Variants in MEIOSIN observed in about 807,000 individuals in gnomAD.
The protein encoded by MEIOSIN is meiosis initiator, also known as meiosis initiator protein.
In MEIOSIN, 18 loss-of-function variants were observed where a neutral mutation model predicts 23.4. The observed-to-expected ratio is 0.77, with a 90% CI of 0.53 to 1.14. MEIOSIN has a LOEUF of 1.14. MEIOSIN is among the 50% of genes most tolerant of loss of function. The pLI is 0.00. For missense variants in MEIOSIN, 428 were observed against 242.9 expected, an observed-to-expected ratio of 1.76 and a Z score of -5.07; for synonymous variants, 187 against 100.6, an observed-to-expected ratio of 1.86 and a Z score of -5.14.
Position 45,761,815 on chromosome 19 carries a change from C to CCAGCTG in MEIOSIN, c.1387_1388insGCAGCT (p.Ser462_Ser463insCysSer), listed in dbSNP as rs758767044. On this transcript the variant is annotated inframe_insertion, in exon 12 of 15. Transcript: ENST00000457052. ...TCCAGCTCCAGCTCCAGCTCCAGCT[C>CCAGCTG]CAGCTCCAGCTCGGAGGACAGCGAC... is the stretch of plus-strand genomic sequence containing the variant. 2.4e-4 allele frequency: 170 copies of CCAGCTG among 702,108 alleles called. No individual in the cohort carries two copies. In the East Asian group the frequency reaches 4.3e-3, roughly 18 times the overall value. 43.5% of individuals were successfully genotyped at this position (702,108 alleles called of 1,614,324 possible).
chr19:45,751,001 A>G (rs907633384), intron 5 of MEIOSIN, among the ~76,000 whole-genome samples: 1 of 152,136 alleles, frequency 6.6e-6, no homozygotes, highest in Admixed American at 6.6e-5. Flanking sequence ...GGCCGGGCAC[A>G]GTGGCTGATG....
chr19:45,734,596 T>G (rs1284981444), intron 1 of MEIOSIN, among the ~76,000 whole-genome samples: 1 of 151,670 alleles, frequency 6.6e-6, no homozygotes, highest in Non-Finnish European at 1.5e-5. Context: ...CTTGACCTCC[T>G]GGGCTCAAAC....
intron 13 of MEIOSIN, among the ~76,000 whole-genome samples, chr19:45,763,040 G>C (rs1482602450): frequency 2.6e-5 from 4 of 152,084 alleles, no homozygotes; most frequent in Admixed American, 2.6e-4. Context: ...ACCAGTCACT[G>C]CCAGGCCTGG....
intron 1 of MEIOSIN, 43 bp from the exon 2 acceptor site, chr19:45,735,334 G>T (rs1968391524): frequency 1.4e-6 from 1 of 700,648 alleles, no homozygotes; most frequent in Non-Finnish European, 2.6e-6. Context: ...CATCCTTCCT[G>T]CAATCCCAGA....
intron 4 of MEIOSIN, among the ~76,000 whole-genome samples, chr19:45,750,428 T>G (rs1319259081): frequency 2.7e-5 from 4 of 149,908 alleles, no homozygotes; most frequent in Non-Finnish European, 4.4e-5. Context: ...GGCGTGATCT[T>G]GGCTCACTGC....
In MEIOSIN at chr19:45,742,551, G is replaced by A. The variant is rs151046735; in HGVS notation, c.177-2641G>A. On this transcript the variant is annotated intron_variant, in intron 3 of 14. Coordinates refer to ENST00000457052, the MANE Select transcript of MEIOSIN (RefSeq NM_001310124.2). The stretch of plus-strand genomic sequence containing the variant: ...TCCTAGCACTTTGGGAGGCCAAGGC[G>A]GACAGATCATGAGGTCAGGAGATTG... Among the ~76,000 whole-genome samples, 442 of 151,952 alleles carry A rather than the reference G, an allele frequency of 2.9e-3. 1 individual carries two copies. Among genetic ancestry groups the A allele is most frequent in the African/African-American group, 9.9e-3 (410 of 41,440 alleles).
chr19:45,744,129 C>T (rs1211986615), intron 3 of MEIOSIN, among the ~76,000 whole-genome samples: 1 of 151,756 alleles, frequency 6.6e-6, no homozygotes, highest in East Asian at 1.9e-4. Flanking sequence ...CAGGTTCAAG[C>T]AATTCTCGTG....
In MEIOSIN at chr19:45,762,055, G is replaced by T; in HGVS notation, c.1551G>T (p.Lys517Asn). ...PLLAAEKKAT[K>N]GQVARAPVKP... ...TGGCAGCTGAGAAAAAGGCCACGAA[G>T]GGCCAAGTAGCCAGGGCCCCTGTGA... The change falls in exon 13 of 15, where the codon AAG becomes AAT. Residue 517 changes from lysine (K) to asparagine (N), a missense_variant. Physicochemically the swap from Lys to Asn is moderately conservative, Grantham distance 94. Transcript: ENST00000457052. 1 of 481,598 alleles carries T rather than the reference G, an allele frequency of 2.1e-6. No individual in the cohort carries two copies. The highest frequency in any genetic ancestry group is 3.7e-6 in the Non-Finnish European group (1 of 272,632). The allele number at this position is 481,598 out of a possible 1,614,324, so 29.8% of individuals were successfully genotyped here.
In MEIOSIN at chr19:45,733,880, T is replaced by G. The variant is rs530537961; in HGVS notation, c.-1+214T>G. On this transcript the variant is annotated intron_variant, in intron 1 of 14. Transcript: ENST00000457052. This position sits in a 1 kb window ranked among gnomAD's most constrained non-coding sequence, Gnocchi z 5.7. Reference sequence around the variant, plus strand: ...AGTTTGAGGAACGGAAGACTCTGTTTGTGTTGGGAATCCGGGCTCTCGAGT... The same window carrying G: ...AGTTTGAGGAACGGAAGACTCTGTTGGTGTTGGGAATCCGGGCTCTCGAGT... 2.0e-5 allele frequency among the ~76,000 whole-genome samples: 3 copies of G among 151,904 alleles called. No homozygotes were observed. The highest frequency in any genetic ancestry group is 2.9e-5 in the Non-Finnish European group (2 of 67,996).
intron 5 of MEIOSIN, among the ~76,000 whole-genome samples, chr19:45,751,080 C>T (rs1462835687): frequency 1.3e-5 from 2 of 151,940 alleles, no homozygotes; most frequent in Non-Finnish European, 2.9e-5. Context: ...CGAGACCAGC[C>T]TGGCCAACAT....
chr19:45,747,723 A>C (rs78133855), intron 4 of MEIOSIN, among the ~76,000 whole-genome samples: 4,963 of 152,252 alleles, frequency 0.033, 290 homozygotes, highest in African/African-American at 0.11. Context: ...TGGTCTGAGG[A>C]AACTGAAGTG....
Position 45,759,492 on chromosome 19 carries a change from T to C in MEIOSIN, c.1245+2T>C. The C allele has an allele frequency of 1.4e-6, 1 of 703,304 alleles. No homozygotes were observed. Among genetic ancestry groups the C allele is most frequent in the Non-Finnish European group, 2.6e-6 (1 of 385,022 alleles). 43.6% of individuals were successfully genotyped at this position (703,304 alleles called of 1,614,324 possible). Reference sequence around the variant, plus strand: ...ACGCAGGAGGCTCCACAGGAAAAGGTAGACATCCTCTGCCCCTCTGTCCAC... The same window carrying C: ...ACGCAGGAGGCTCCACAGGAAAAGGCAGACATCCTCTGCCCCTCTGTCCAC... On this transcript the variant is annotated splice_donor_variant, in intron 11 of 14. Transcript: ENST00000457052. LOFTEE classifies it high-confidence loss of function.
chr19:45,750,025 G>T (rs1968669264), intron 4 of MEIOSIN, among the ~76,000 whole-genome samples: 1 of 148,370 alleles, frequency 6.7e-6, no homozygotes, highest in Non-Finnish European at 1.5e-5. Context: ...AAAAGAAAAA[G>T]AAAAAGAAAG....
chr19:45,745,382 G>A (rs1968575507), intron 4 of MEIOSIN, 61 bp downstream of exon 4: 4 of 677,660 alleles, frequency 5.9e-6, no homozygotes, highest in South Asian at 4.7e-5. Context: ...AGCAGCAAAT[G>A]GGTCACCCTC....
At chr19:45,760,884 A>G (rs1026291282) in intron 11 of MEIOSIN, among the ~76,000 whole-genome samples, 1 of 150,604 alleles carries the variant, frequency 6.6e-6, no homozygotes, top group African/African-American at 2.4e-5. Flanking sequence ...AGATGGTGCC[A>G]TTGCACTCCA....
At position 45,756,042 on chromosome 19, in the gene MEIOSIN, G is replaced by A. The variant is rs1455173349; in HGVS notation, c.875G>A (p.Arg292Lys). The A allele has an allele frequency of 1.4e-6, 1 of 702,894 alleles. No individual in the cohort carries two copies. 43.5% of individuals were successfully genotyped at this position (702,894 alleles called of 1,614,324 possible). A position where few individuals can be genotyped will look rare whatever the true frequency, so the allele number is the denominator to read the frequency against. Residue 292 changes from arginine (R) to lysine (K), a missense_variant, in exon 8 of 15, where the codon AGG becomes AAG. Physicochemically the swap from Arg to Lys is conservative, Grantham distance 26 (BLOSUM62 2). Coordinates refer to ENST00000457052, the MANE Select transcript of MEIOSIN (RefSeq NM_001310124.2). ...CTCCTGGCTCAGGAAGATGTGGCGA[G>A]GATCCATTTTCTCAACAAGACCCAG... ...PALLAQEDVA[R>K]IHFLNKTQPH... is the part of the protein sequence containing the mutation.
At chr19:45,763,151 C>T (rs973618508) in intron 13 of MEIOSIN, among the ~76,000 whole-genome samples, 187 bp from the exon 14 acceptor site, 2 of 152,170 alleles carry the variant, frequency 1.3e-5, no homozygotes, top group African/African-American at 2.4e-5. Flanking sequence ...GCCCACAGGT[C>T]CCCTGCACTC....
In MEIOSIN at chr19:45,744,049, C is replaced by CT. The variant is rs373791690; in HGVS notation, c.177-1128dup. On this transcript the variant is annotated intron_variant, in intron 3 of 14. Coordinates refer to ENST00000457052, the MANE Select transcript of MEIOSIN (RefSeq NM_001310124.2). Reference sequence around the variant, plus strand: ...TCCTTTTACAAGCTTCTTATTTTTACTTTTTTTTTTTTTTTGAGACAGTCT... The same window carrying CT: ...TCCTTTTACAAGCTTCTTATTTTTACTTTTTTTTTTTTTTTTGAGACAGTCT... 5.2e-3 allele frequency among the ~76,000 whole-genome samples: 755 copies of CT among 144,206 alleles called. 1 individual carries two copies. The highest frequency in any genetic ancestry group is 7.1e-3 in the Admixed American group (102 of 14,378). The allele number at this position is 144,206 out of a possible 152,430, so 94.6% of individuals were successfully genotyped here.
chr19:45,758,532 G>A (rs911777287), intron 9 of MEIOSIN, among the ~76,000 whole-genome samples: 3 of 151,912 alleles, frequency 2.0e-5, no homozygotes, highest in African/African-American at 2.4e-5. Flanking sequence ...GGGTTCAAGC[G>A]ATTCTCCTTC....
Sources: gnomAD v4.1 joint callset for allele counts (sites outside exome capture counted in the v4.1 genomes callset) on GRCh38, gnomAD v4.1.1 for gene constraint, Gnocchi (gnomAD v3.1) non-coding constraint, MANE v1.5 for transcripts, NCBI Gene and HGNC (gene_info 2026-07-23, HGNC 2026-07-21) for gene names.